The following STT3A variants were observed in gnomAD, a reference collection of about 807,000 sequenced individuals.
STT3A encodes the protein dolichyl-diphosphooligosaccharide--protein glycosyltransferase subunit STT3A.
Under a neutral mutation model 89.2 loss-of-function variants are expected in STT3A, and 34 were observed. The ratio of observed to expected loss-of-function variants is 0.38; its 90% CI spans 0.29 to 0.51. STT3A has a LOEUF of 0.51. Ranked by LOEUF, STT3A falls within the 20% of genes least tolerant of loss-of-function variation. The pLI is 0.89. For synonymous variants in STT3A, 282 were observed against 310.3 expected (o/e 0.91, Z 0.96); for missense variants, 555 against 889.5 (o/e 0.62, Z 4.78).
At chr11:125,605,299 A>C (rs187764905) in intron 6 of STT3A, among the ~76,000 whole-genome samples, 1 of 152,286 alleles carries the variant, frequency 6.6e-6, no homozygotes, top group African/African-American at 2.4e-5. Context: ...GATGAATGAT[A>C]GTATAAGATG....
Position 125,614,267 on chromosome 11 carries a change from T to A in STT3A, c.1672-57T>A. 1.9e-6 allele frequency: 3 copies of A among 1,612,666 alleles called. No homozygotes were observed. Among genetic ancestry groups the A allele is most frequent in the Non-Finnish European group, 2.5e-6 (3 of 1,178,672 alleles). ...AGGTCTAATGGGAAATGTGTCTGCA[T>A]GAGGGGATCATATGACTTGGGATTT... On this transcript the variant is annotated intron_variant, in intron 14 of 17. Transcript: ENST00000392708. The surrounding 1 kb of genome is among the most constrained non-coding windows in gnomAD (Gnocchi z 4.9).
At position 125,595,999 on chromosome 11, in the gene STT3A, A is replaced by G. The variant is rs965076104; in HGVS notation, c.84A>G (p.Val28=). The G allele has an allele frequency of 5.0e-6, 8 of 1,611,234 alleles. No individual in the cohort carries two copies. Among genetic ancestry groups the G allele is most frequent in the Non-Finnish European group, 5.9e-6 (7 of 1,178,050 alleles). ...TTCTCATTCTGTCAATGGCTGCTGT[A>G]TTATGTGAGTGTGCATGTGAACCTC... ...LKLLILSMAA[V]LSFSTRLFAV... Residue 28 remains valine, a synonymous_variant, in exon 2 of 18, where the codon GTA becomes GTG. Coordinates refer to ENST00000392708, the MANE Select transcript of STT3A (RefSeq NM_152713.5).
Position 125,613,187 on chromosome 11 carries a change from T to G in STT3A, c.1554+10T>G. 6.3e-7 allele frequency: 1 copy of G among 1,599,988 alleles called. No homozygotes were observed. The highest frequency in any genetic ancestry group is 8.6e-7 in the Non-Finnish European group (1 of 1,168,752). ...TCATAATACTCCAGAGGTGAAGATT[T>G]GGGAGGGGTGGGAATTGTGGGTTAG... On this transcript the variant is annotated intron_variant, in intron 13 of 17. Transcript: ENST00000392708. This position sits in a 1 kb window ranked among gnomAD's most constrained non-coding sequence, Gnocchi z 4.2.
At chr11:125,596,268 C>T (rs1176944981) in intron 2 of STT3A, among the ~76,000 whole-genome samples, 1 of 152,138 alleles carries the variant, frequency 6.6e-6, no homozygotes, top group Non-Finnish European at 1.5e-5. Context: ...AGTTTGAGAC[C>T]AGCCTGGCCA....
rs995627616 is a variant in STT3A, at chr11:125,621,083, C to A, written c.*273C>A. 10 of 327,642 alleles carry A rather than the reference C, an allele frequency of 3.1e-5. No individual in the cohort carries two copies. The highest frequency in any genetic ancestry group is 2.2e-4 in the African/African-American group (10 of 46,474). The allele number at this position is 327,642 out of a possible 1,614,324, so 20.3% of individuals were successfully genotyped here. A position where few individuals can be genotyped will look rare whatever the true frequency, so the allele number is the denominator to read the frequency against. On this transcript the variant is annotated 3_prime_UTR_variant, in exon 18 of 18. Coordinates refer to ENST00000392708, the MANE Select transcript of STT3A (RefSeq NM_152713.5). ...AAAAAATGTGCCTTATTTGTTTTGA[C>A]TTATAACTGATTTGAGGGAGGCAAA...
rs368086108 is a variant in STT3A, at chr11:125,612,789, G to A, written c.1365+42G>A. On this transcript the variant is annotated intron_variant, in intron 12 of 17. Transcript: ENST00000392708. ...AGAGTAGACTTGGGAAACTCTGTGT[G>A]TGTGTGTGTATGTGTGTATGTGGGC... 48 of 1,605,592 alleles carry A rather than the reference G, an allele frequency of 3.0e-5. No homozygotes were observed. The African/African-American group carries it at 5.2e-4, about 17-fold the overall frequency.
rs1276947199 is a variant in STT3A, at chr11:125,620,869, GA to G, written c.*60del. ...AGCACATCACATTTAGGACGTTGAA[GA>G]TTTTTTTTTTTTTTTTTTTTTAATA... On this transcript the variant is annotated 3_prime_UTR_variant, in exon 18 of 18. Coordinates refer to ENST00000392708, the MANE Select transcript of STT3A (RefSeq NM_152713.5). The G allele has an allele frequency of 3.9e-3, 3,310 of 841,100 alleles. 8 individuals carry two copies. The highest frequency in any genetic ancestry group is 9.0e-3 in the Middle Eastern group (23 of 2,568). 52.1% of individuals were successfully genotyped at this position (841,100 alleles called of 1,614,324 possible).
At position 125,622,294 on chromosome 11, in the gene STT3A, TC is replaced by T. The variant is rs1445581198; in HGVS notation, c.*1485del. 6.6e-6 allele frequency: 1 copy of T among 152,224 alleles called. No individual in the cohort carries two copies. Among genetic ancestry groups the T allele is most frequent in the Non-Finnish European group, 1.5e-5 (1 of 68,042 alleles). The allele number at this position is 152,224 out of a possible 1,614,324, so 9.4% of individuals were successfully genotyped here. A position where few individuals can be genotyped will look rare whatever the true frequency, so the allele number is the denominator to read the frequency against. On this transcript the variant is annotated 3_prime_UTR_variant, in exon 18 of 18. Coordinates refer to ENST00000392708, the MANE Select transcript of STT3A (RefSeq NM_152713.5). ...CAAACCAATTTATATACCATGTTCT[TC>T]AACTGTGGGTGAGATTTAGCCTCAA...
chr11:125,605,839 A>C, intron 7 of STT3A, 104 bp downstream of exon 7: 1 of 970,022 alleles, frequency 1.0e-6, no homozygotes, highest in South Asian at 1.7e-5. Flanking sequence ...GGTTCCCCTA[A>C]ATTTTTTTCT....
intron 1 of STT3A, among the ~76,000 whole-genome samples, chr11:125,594,557 C>T (rs2135897467): frequency 7.6e-6 from 1 of 132,342 alleles, no homozygotes; most frequent in South Asian, 2.4e-4. Context: ...GCACTCTAGC[C>T]TGGCGACAGA....
Position 125,614,669 on chromosome 11 carries a change from A to C in STT3A, c.1774+243A>C, listed in dbSNP as rs1953681740. Among the ~76,000 whole-genome samples the C allele has an allele frequency of 1.3e-5, 2 of 152,156 alleles. No homozygotes were observed. Among genetic ancestry groups the C allele is most frequent in the South Asian group, 4.1e-4 (2 of 4,826 alleles). On this transcript the variant is annotated intron_variant, in intron 15 of 17. Coordinates refer to ENST00000392708, the MANE Select transcript of STT3A (RefSeq NM_152713.5). The surrounding 1 kb of genome is among the most constrained non-coding windows in gnomAD (Gnocchi z 4.9). ...GCTATATGATTGTCTAAGGCATAGA[A>C]GTAGTTCCACAACCAGTAATAAAAC... is the stretch of plus-strand genomic sequence containing the variant.
intron 15 of STT3A, among the ~76,000 whole-genome samples, chr11:125,616,312 C>A (rs1377601189): frequency 6.6e-6 from 1 of 152,034 alleles, no homozygotes; most frequent in East Asian, 1.9e-4. Context: ...AATACTAATC[C>A]CTAATACTAG....
At position 125,612,631 on chromosome 11, in the gene STT3A, C is replaced by G; in HGVS notation, c.1249C>G (p.Leu417Val). 6.2e-7 allele frequency: 1 copy of G among 1,614,180 alleles called. No individual in the cohort carries two copies. The highest frequency in any genetic ancestry group is 1.7e-4 in the Middle Eastern group (1 of 6,060). ...AGTGTTGGCACCTGTTATGTGCATT[C>G]TCTCTGGCATTGGAGTCTCCCAGGT... is the stretch of plus-strand genomic sequence containing the variant. ...MLVLAPVMCI[L>V]SGIGVSQVLS... Residue 417 changes from leucine to valine, a missense_variant, in exon 12 of 18, where the codon CTC (leucine) becomes GTC (valine). Leu to Val is a conservative substitution (Grantham distance 32). This residue lies in a region of STT3A where 273 missense variants were observed against 449.8 expected (regional missense o/e 0.61). Coordinates refer to ENST00000392708, the MANE Select transcript of STT3A (RefSeq NM_152713.5).
Position 125,602,832 on chromosome 11 carries a change from C to T in STT3A, c.301C>T (p.His101Tyr). Residue 101 changes from histidine to tyrosine, a missense_variant, in exon 5 of 18, where the codon CAT becomes TAT. His to Tyr is a moderately conservative substitution (Grantham distance 83). This residue lies in a region of STT3A where 129 missense variants were observed against 193.2 expected (regional missense o/e 0.67). Coordinates refer to ENST00000392708, the MANE Select transcript of STT3A (RefSeq NM_152713.5). ...AATGATCACCTCTGCTGCAATCTACCATGTACTCCATTTTTTCCACATCAC... is the reference window on the plus strand; with the variant it reads ...AATGATCACCTCTGCTGCAATCTACTATGTACTCCATTTTTTCCACATCAC... ...GLMITSAAIY[H>Y]VLHFFHITID... The T allele has an allele frequency of 1.2e-6, 2 of 1,614,108 alleles. No homozygotes were observed. Among genetic ancestry groups the T allele is most frequent in the Non-Finnish European group, 1.7e-6 (2 of 1,180,026 alleles).
chr11:125,610,759 C>A (rs28440826), intron 10 of STT3A: 42,668 of 151,932 alleles, frequency 0.28, 6,186 homozygotes, highest in East Asian at 0.41. Context: ...CACACACACA[C>A]ACATACACAC....
chr11:125,603,095 C>T, intron 5 of STT3A, 147 bp downstream of exon 5: 1 of 872,834 alleles, frequency 1.1e-6, no homozygotes, highest in South Asian at 1.8e-5. Flanking sequence ...ATTGGCTTCA[C>T]TCCAACCCCT....
chr11:125,608,729 C>A (rs1192098620), intron 9 of STT3A, among the ~76,000 whole-genome samples: 1 of 152,130 alleles, frequency 6.6e-6, no homozygotes, highest in East Asian at 1.9e-4. Flanking sequence ...TTTCTTATTT[C>A]TTTTTTCATC....
At chr11:125,595,259 A>G (rs1217863784) in intron 1 of STT3A, among the ~76,000 whole-genome samples, 2 of 150,720 alleles carry the variant, frequency 1.3e-5, no homozygotes, top group African/African-American at 4.9e-5. Context: ...GCAGCCTCCA[A>G]CTCCTGCCTC....
intron 16 of STT3A, 45 bp from the exon 17 acceptor site, chr11:125,619,966 A>G: frequency 6.6e-7 from 1 of 1,511,094 alleles, no homozygotes; most frequent in Non-Finnish European, 9.2e-7. Flanking sequence ...TCTCTAGGAA[A>G]TTAGCACTGT....
Sources: gnomAD v4.1 joint callset for allele counts (sites outside exome capture counted in the v4.1 genomes callset) on GRCh38, gnomAD v4.1.1 for gene constraint, gnomAD v4.1.1 regional missense constraint, Gnocchi (gnomAD v3.1) non-coding constraint, MANE v1.5 for transcripts, NCBI Gene and HGNC (gene_info 2026-07-23, HGNC 2026-07-21) for gene names.